RFX4: variants seen among roughly 807,000 people sequenced by gnomAD.
The protein encoded by RFX4 is regulatory factor X4.
In RFX4, 10 loss-of-function variants were observed where a neutral mutation model predicts 95.0. That is an observed-to-expected ratio of 0.11 (90% CI 0.06 to 0.18). The LOEUF is 0.18. Among genes scored for constraint, RFX4 ranks in the 10% least tolerant of loss-of-function variants. RFX4 has a pLI of 1.00. For missense variants in RFX4, 640 were observed against 922.0 expected (o/e 0.69, Z 3.96); for synonymous variants, 321 against 340.7 (o/e 0.94, Z 0.64).
chr12:106,597,917 G>T (rs779950641), intron 1 of RFX4, among the ~76,000 whole-genome samples: 5 of 152,134 alleles, frequency 3.3e-5, no homozygotes, highest in Non-Finnish European at 7.4e-5. Context: ...AGGAAAAAGG[G>T]TGCCTCTGTC....
chr12:106,635,224 G>A (rs1384591081), intron 2 of RFX4, among the ~76,000 whole-genome samples: 1 of 152,068 alleles, frequency 6.6e-6, no homozygotes, highest in African/African-American at 2.4e-5. Flanking sequence ...CAGTTTTAGG[G>A]GGAACAAAAA....
intron 17 of RFX4, among the ~76,000 whole-genome samples, chr12:106,758,653 G>C (rs1260279393): frequency 1.3e-5 from 2 of 152,228 alleles, no homozygotes; most frequent in Non-Finnish European, 2.9e-5. Context: ...GCTCTGTCGG[G>C]GAAGAGGCAG....
intron 7 of RFX4, among the ~76,000 whole-genome samples, chr12:106,694,738 C>T (rs527744087): frequency 6.6e-6 from 1 of 152,024 alleles, no homozygotes; most frequent in Non-Finnish European, 1.5e-5. Flanking sequence ...AGTAGGTACT[C>T]GATAAAGAAA....
At chr12:106,725,317 A>G (rs2042472916) in intron 13 of RFX4, among the ~76,000 whole-genome samples, 1 of 152,194 alleles carries the variant, frequency 6.6e-6, no homozygotes, top group African/African-American at 2.4e-5. Context: ...CACAGACCCC[A>G]ATTGTTAATG....
At chr12:106,706,949 G>C (rs1044302495) in intron 8 of RFX4, among the ~76,000 whole-genome samples, 1 of 152,154 alleles carries the variant, frequency 6.6e-6, no homozygotes, top group African/African-American at 2.4e-5. Flanking sequence ...TATTGTGTGC[G>C]TGTGTGTATA....
intron 17 of RFX4, among the ~76,000 whole-genome samples, chr12:106,757,842 G>T (rs949434622): frequency 2.0e-5 from 3 of 152,172 alleles, no homozygotes; most frequent in Non-Finnish European, 4.4e-5. Context: ...TCTCAAAATA[G>T]ATCTTCCTAA....
At chr12:106,686,336 G>C (rs1052948555) in intron 5 of RFX4, among the ~76,000 whole-genome samples, 3 of 151,766 alleles carry the variant, frequency 2.0e-5, no homozygotes, top group Non-Finnish European at 4.4e-5. Context: ...GCTTGAACCC[G>C]GGAGGCGTGG....
At chr12:106,644,256 C>T (rs1299828913) in intron 3 of RFX4, among the ~76,000 whole-genome samples, 1 of 120,130 alleles carries the variant, frequency 8.3e-6, no homozygotes, top group Admixed American at 1.0e-4. Flanking sequence ...TTTTTTGAGA[C>T]AGAGCCTTGC....
chr12:106,688,196 A>C (rs898499609), intron 6 of RFX4, among the ~76,000 whole-genome samples: 1 of 151,122 alleles, frequency 6.6e-6, no homozygotes. Context: ...CAGCCTCCCA[A>C]GTAGCTGTGA....
intron 3 of RFX4, among the ~76,000 whole-genome samples, chr12:106,641,977 CTA>C (rs529348887): frequency 0.1 from 14,486 of 144,390 alleles, 755 homozygotes; most frequent in South Asian, 0.13. Flanking sequence ...CTATCTATAT[CTA>C]TATCTATATC....
Position 106,676,208 on chromosome 12 carries a change from G to A in RFX4, c.316-5785G>A, listed in dbSNP as rs114098254. On this transcript the variant is annotated intron_variant, in intron 4 of 17. Coordinates refer to ENST00000392842, the MANE Select transcript of RFX4 (RefSeq NM_213594.3). ...ATGGGGAAAGGCTCACAGAGCAGCA[G>A]AGTGCATGCTGCGTGGCTGGATGGG... Among the ~76,000 whole-genome samples the A allele has an allele frequency of 4.0e-3, 615 of 152,312 alleles. 3 individuals carry two copies. The highest frequency in any genetic ancestry group is 0.014 in the African/African-American group (593 of 41,566).
intron 8 of RFX4, among the ~76,000 whole-genome samples, chr12:106,698,268 C>T (rs1379267173): frequency 6.6e-6 from 1 of 151,938 alleles, no homozygotes; most frequent in Non-Finnish European, 1.5e-5. Flanking sequence ...GCCCCCTACA[C>T]CTGGCCAATT....
chr12:106,669,839 G>GGTGTGTGTGTGTGTGT (rs60975691), intron 4 of RFX4, among the ~76,000 whole-genome samples: 1 of 143,158 alleles, frequency 7.0e-6, no homozygotes, highest in South Asian at 2.3e-4. Context: ...TTTTTCTAGG[G>GGTGTGTGTGTGTGTGT]GTGTGTGTGT....
chr12:106,656,856 G>C (rs900444364), intron 4 of RFX4, among the ~76,000 whole-genome samples: 1 of 152,126 alleles, frequency 6.6e-6, no homozygotes, highest in Non-Finnish European at 1.5e-5. Context: ...AAGAATTATA[G>C]TGCCAGCTGC....
intron 1 of RFX4, among the ~76,000 whole-genome samples, chr12:106,599,471 GTGATGATGATGATGA>G (rs3067521): frequency 4.6e-5 from 7 of 150,572 alleles, no homozygotes; most frequent in Non-Finnish European, 8.9e-5. Flanking sequence ...AGTCATCGCT[GTGATGATGATGATGA>G]TGATGATGAT....
rs899559067 is a variant in RFX4, at chr12:106,761,562, T to C, written c.*93T>C. The C allele has an allele frequency of 5.1e-6, 5 of 972,060 alleles. No homozygotes were observed. Among genetic ancestry groups the C allele is most frequent in the Admixed American group, 4.1e-5 (1 of 24,388 alleles). 60.2% of individuals were successfully genotyped at this position (972,060 alleles called of 1,614,324 possible). On this transcript the variant is annotated 3_prime_UTR_variant, in exon 18 of 18. Transcript: ENST00000392842. ...CATCCCCCAGAAGACTTTATCTCTA[T>C]ACATTGTAACTCATGGGCTATTCCT...
intron 2 of RFX4, among the ~76,000 whole-genome samples, chr12:106,617,193 T>C (rs1351900432): frequency 1.3e-5 from 2 of 152,170 alleles, no homozygotes; most frequent in Non-Finnish European, 2.9e-5. Flanking sequence ...TTTTCAAAGG[T>C]CCAACTTTTG....
chr12:106,706,246 C>A lies in RFX4; in HGVS notation c.834-3084C>A, dbSNP rs1276904008. ...GAAAGGGAGAAGGTGCAAGGTGGGG[C>A]CTTGGGGGCTGCAGCAAGAATTGGG... On this transcript the variant is annotated intron_variant, in intron 8 of 17. Transcript: ENST00000392842. 4.6e-5 allele frequency among the ~76,000 whole-genome samples: 7 copies of A among 152,208 alleles called. No individual in the cohort carries two copies. In the East Asian group the frequency reaches 7.7e-4, roughly 17 times the overall value.
chr12:106,609,054 G>A (rs1488677873), intron 2 of RFX4, among the ~76,000 whole-genome samples, 171 bp downstream of exon 2: 3 of 152,132 alleles, frequency 2.0e-5, no homozygotes, highest in African/African-American at 7.2e-5. Context: ...AATGGGGAGA[G>A]GAATCCATTC....
Sources: gnomAD v4.1 joint callset for allele counts (sites outside exome capture counted in the v4.1 genomes callset) on GRCh38, gnomAD v4.1.1 for gene constraint, MANE v1.5 for transcripts, NCBI Gene and HGNC (gene_info 2026-07-23, HGNC 2026-07-21) for gene names.